Variants in CYFIP1 observed in about 807,000 individuals in gnomAD.
The protein encoded by CYFIP1 is cytoplasmic FMR1 interacting protein 1.
CYFIP1 carries 58 observed loss-of-function variants against 163.5 expected under a neutral mutation model. The observed-to-expected ratio is 0.35, with a 90% CI of 0.29 to 0.44. CYFIP1 has a LOEUF of 0.44. CYFIP1 is among the 20% of genes least tolerant of loss of function. The probability of loss-of-function intolerance (pLI) is 1.00; values close to 1 mark genes in which losing one functional copy is unlikely to be tolerated. For missense variants in CYFIP1, 1,338 were observed against 1,653.8 expected (o/e 0.81, Z 3.31); for synonymous variants, 663 against 660.7 (o/e 1.00, Z -0.05).
chr15:22,957,593 G>A (rs528626474), intron 1 of CYFIP1, among the ~76,000 whole-genome samples: 16 of 152,264 alleles, frequency 1.1e-4, no homozygotes, highest in East Asian at 1.9e-4. Flanking sequence ...CCGAGATCGT[G>A]TCACTGCACT....
chr15:22,897,572 G>A (rs572526468), intron 22 of CYFIP1, among the ~76,000 whole-genome samples: 17 of 151,770 alleles, frequency 1.1e-4, no homozygotes, highest in African/African-American at 3.4e-4. Flanking sequence ...CAGCCTTGAC[G>A]TCCCGGGTTC....
At position 22,908,518 on chromosome 15, in the gene CYFIP1, C is replaced by CTT. The variant is rs58565266; in HGVS notation, c.2388+674_2388+675dup. Among the ~76,000 whole-genome samples, 590 of 75,492 alleles carry CTT rather than the reference C, an allele frequency of 7.8e-3. 69 individuals carry two copies. The highest frequency in any genetic ancestry group is 0.026 in the African/African-American group (444 of 16,764). The allele number at this position is 75,492 out of a possible 152,430, so 49.5% of individuals were successfully genotyped here. On this transcript the variant is annotated intron_variant, in intron 21 of 30. Coordinates refer to ENST00000617928, the MANE Select transcript of CYFIP1 (RefSeq NM_014608.6). ...CTCTTGGTCCCTAAAGAAGATATTT[C>CTT]TTTTTTTTTTTTTTTTTTTTTTTTT...
chr15:22,964,402 CA>C (rs2062828330), intron 1 of CYFIP1, among the ~76,000 whole-genome samples: 3 of 146,664 alleles, frequency 2.0e-5, no homozygotes, highest in Admixed American at 1.3e-4. Flanking sequence ...CACACACACA[CA>C]CACACCCGGC....
chr15:22,977,284 T>G (rs1164155056), intron 1 of CYFIP1, among the ~76,000 whole-genome samples: 1 of 152,184 alleles, frequency 6.6e-6, no homozygotes, highest in Non-Finnish European at 1.5e-5. Flanking sequence ...TTAGTTCTAG[T>G]AGCTTTTTCA....
chr15:22,876,982 G>A (rs190606610), intron 26 of CYFIP1, among the ~76,000 whole-genome samples: 89 of 152,262 alleles, frequency 5.8e-4, no homozygotes, highest in African/African-American at 2.0e-3. Flanking sequence ...AAGAAAGCTC[G>A]GGTCTCACCT....
chr15:22,941,892 C>G (rs1347595463), intron 6 of CYFIP1, among the ~76,000 whole-genome samples: 1 of 152,166 alleles, frequency 6.6e-6, no homozygotes, highest in African/African-American at 2.4e-5. Flanking sequence ...CCTGACAAAG[C>G]CAAAACGGCG....
At chr15:22,925,162 T>C (rs1232444306) in intron 13 of CYFIP1, among the ~76,000 whole-genome samples, 1 of 152,224 alleles carries the variant, frequency 6.6e-6, no homozygotes, top group Non-Finnish European at 1.5e-5. Flanking sequence ...TCTCCTGTCA[T>C]GATCCATAGG....
intron 25 of CYFIP1, among the ~76,000 whole-genome samples, chr15:22,880,588 CCAA>C (rs972706676): frequency 3.9e-5 from 6 of 152,300 alleles, no homozygotes; most frequent in Admixed American, 3.9e-4. Flanking sequence ...GGACAGAAGG[CCAA>C]CGTTTCCCAG....
chr15:22,964,680 A>T (rs1021379107), intron 1 of CYFIP1, among the ~76,000 whole-genome samples: 1 of 152,126 alleles, frequency 6.6e-6, no homozygotes, highest in Admixed American at 6.6e-5. Flanking sequence ...AGCACATCTC[A>T]GCCGCTTGCA....
rs1028364765 is a variant in CYFIP1 at position 22,972,318 on chromosome 15, C to T, written c.-7+7969G>A. ...GGGTGTGGTGGCGCACGCCTGTAAT[C>T]CCCAGCTACTCAGGAGGCTGAGGCA... On this transcript the variant is annotated intron_variant, in intron 1 of 30. Coordinates refer to ENST00000617928, the MANE Select transcript of CYFIP1 (RefSeq NM_014608.6). 6.6e-5 allele frequency among the ~76,000 whole-genome samples: 10 copies of T among 152,084 alleles called. No homozygotes were observed. The South Asian group carries it at 1.9e-3, about 28-fold the overall frequency.
chr15:22,943,640 A>AT (rs1029740668), intron 5 of CYFIP1, among the ~76,000 whole-genome samples: 1 of 152,250 alleles, frequency 6.6e-6, no homozygotes, highest in African/African-American at 2.4e-5. Flanking sequence ...AAATGCTCCA[A>AT]TAAAACGCCT....
intron 1 of CYFIP1, among the ~76,000 whole-genome samples, chr15:22,955,590 A>T (rs914754646): frequency 2.8e-4 from 42 of 151,914 alleles, no homozygotes; most frequent in African/African-American, 9.4e-4. Flanking sequence ...ATGCTGGAGA[A>T]AGTTGGAGAC....
At chr15:22,873,914 C>A (rs538587927) in intron 28 of CYFIP1, among the ~76,000 whole-genome samples, 185 bp from the exon 29 acceptor site, 3 of 152,334 alleles carry the variant, frequency 2.0e-5, no homozygotes, top group Admixed American at 6.5e-5. Context: ...CATGCCACCA[C>A]ACCCGGATAA....
Position 22,964,349 on chromosome 15 carries a change from T to TCACACACA in CYFIP1, c.-7+15937_-7+15938insTGTGTGTG, listed in dbSNP as rs1206406734. ...CCCACCAGCAGACTCCGCAACCTCA[T>TCACACACA]CACTCACACACACACACACACACAC... On this transcript the variant is annotated intron_variant, in intron 1 of 30. Transcript: ENST00000617928. 7.3e-3 allele frequency among the ~76,000 whole-genome samples: 290 copies of TCACACACA among 39,508 alleles called. 1 individual carries two copies. Among genetic ancestry groups the TCACACACA allele is most frequent in the African/African-American group, 0.014 (154 of 10,858 alleles). 25.9% of individuals were successfully genotyped at this position (39,508 alleles called of 152,430 possible).
chr15:22,948,841 T>C (rs1399189710), intron 1 of CYFIP1, among the ~76,000 whole-genome samples: 2 of 145,192 alleles, frequency 1.4e-5, no homozygotes, highest in East Asian at 2.0e-4. Flanking sequence ...AAAGATTCAG[T>C]GAACTTGAAG....
rs552427715 is a variant in CYFIP1 at position 22,928,107 on chromosome 15, T to C, written c.1111-79A>G. The C allele has an allele frequency of 5.1e-6, 7 of 1,374,052 alleles. No individual in the cohort carries two copies. In the African/African-American group the frequency reaches 1.1e-4, roughly 21 times the overall value. The allele number at this position is 1,374,052 out of a possible 1,614,324, so 85.1% of individuals were successfully genotyped here. Reference sequence around the variant, plus strand: ...CCCATCCCGGGATCCACCATGAGAATCCACCCCAAAGTCACACGTGTGAAA... The same window carrying C: ...CCCATCCCGGGATCCACCATGAGAACCCACCCCAAAGTCACACGTGTGAAA... On this transcript the variant is annotated intron_variant, in intron 11 of 30. Coordinates refer to ENST00000617928, the MANE Select transcript of CYFIP1 (RefSeq NM_014608.6).
rs1595484368 is a variant in CYFIP1, at chr15:22,873,371, C to T, written c.3449+120G>A. ...CACTACAGGAGGCTTAAAAGCCGCTCAGTGAGTTTCTGGTCCACTTCCTGA... is the reference window on the plus strand; with the variant it reads ...CACTACAGGAGGCTTAAAAGCCGCTTAGTGAGTTTCTGGTCCACTTCCTGA... On this transcript the variant is annotated intron_variant, in intron 29 of 30. Transcript: ENST00000617928. 4.9e-6 allele frequency: 4 copies of T among 810,042 alleles called. No individual in the cohort carries two copies. In the East Asian group the frequency reaches 1.0e-4, roughly 20 times the overall value. The allele number at this position is 810,042 out of a possible 1,614,324, so 50.2% of individuals were successfully genotyped here.
chr15:22,925,891 A>C, intron 13 of CYFIP1, 91 bp downstream of exon 13: 1 of 1,551,932 alleles, frequency 6.4e-7, no homozygotes, highest in African/African-American at 1.4e-5. Context: ...ATGAGTAAAC[A>C]GGCAGTTTTG....
At chr15:22,970,872 C>T (rs780432324) in intron 1 of CYFIP1, among the ~76,000 whole-genome samples, 3 of 151,780 alleles carry the variant, frequency 2.0e-5, no homozygotes, top group Admixed American at 1.3e-4. Flanking sequence ...GTCAAGAGAT[C>T]GAGACCATCC....
Sources: gnomAD v4.1 joint callset for allele counts (sites outside exome capture counted in the v4.1 genomes callset) on GRCh38, gnomAD v4.1.1 for gene constraint, MANE v1.5 for transcripts, NCBI Gene and HGNC (gene_info 2026-07-23, HGNC 2026-07-21) for gene names.